SLC25A31: variants seen among roughly 807,000 people sequenced by gnomAD.
The protein encoded by SLC25A31 is ADP/ATP translocase 4.
SLC25A31 carries 40 observed loss-of-function variants against 36.2 expected under a neutral mutation model. That is an observed-to-expected ratio of 1.10 (90% CI 0.86 to 1.44). The LOEUF (loss-of-function observed/expected upper bound fraction) is 1.44. SLC25A31 is among the 40% of genes most tolerant of loss of function. The pLI is 0.00. For missense variants in SLC25A31, 350 were observed against 397.1 expected (o/e 0.88, Z 1.01); for synonymous variants, 143 against 149.7 (o/e 0.96, Z 0.32).
chr4:127,765,550 GCA>G (rs1732224712), intron 3 of SLC25A31, among the ~76,000 whole-genome samples: 1 of 152,134 alleles, frequency 6.6e-6, no homozygotes, highest in African/African-American at 2.4e-5. Flanking sequence ...CAGGGTGCCT[GCA>G]GATACAGGGC....
At chr4:127,766,368 A>G (rs956205459) in intron 3 of SLC25A31, among the ~76,000 whole-genome samples, 5 of 151,686 alleles carry the variant, frequency 3.3e-5, no homozygotes, top group African/African-American at 1.2e-4. Flanking sequence ...GGGTTTCACT[A>G]TCTTGCCCAG....
chr4:127,763,917 GA>G (rs572371215), intron 2 of SLC25A31, among the ~76,000 whole-genome samples: 63 of 148,040 alleles, frequency 4.3e-4, no homozygotes, highest in African/African-American at 1.1e-3. Context: ...AGCTATTAAG[GA>G]AAAAAAAAAG....
chr4:127,751,480 C>T (rs1731931071), intron 2 of SLC25A31, among the ~76,000 whole-genome samples: 1 of 152,142 alleles, frequency 6.6e-6, no homozygotes, highest in East Asian at 1.9e-4. Context: ...TAGAAGAAAA[C>T]CTAGGCAATA....
At chr4:127,758,653 T>G (rs1367554600) in intron 2 of SLC25A31, among the ~76,000 whole-genome samples, 5 of 152,240 alleles carry the variant, frequency 3.3e-5, no homozygotes, top group Non-Finnish European at 1.5e-5. Flanking sequence ...TTGTATATGG[T>G]GAAGGGTAGG....
intron 5 of SLC25A31, among the ~76,000 whole-genome samples, chr4:127,772,849 A>G (rs1292599869): frequency 1.0e-4 from 15 of 147,178 alleles, no homozygotes; most frequent in Admixed American, 9.7e-4. Context: ...TGGTGTGATC[A>G]TGGCTCACTG....
chr4:127,731,001 C>T (rs188274460), intron 1 of SLC25A31, among the ~76,000 whole-genome samples: 2 of 152,312 alleles, frequency 1.3e-5, no homozygotes, highest in East Asian at 3.9e-4. Flanking sequence ...CCGGGGAGAC[C>T]ACTGCCTTCT....
chr4:127,768,566 T>C (rs569029619), intron 4 of SLC25A31, among the ~76,000 whole-genome samples, 186 bp from the exon 5 acceptor site: 1 of 152,290 alleles, frequency 6.6e-6, no homozygotes, highest in Admixed American at 6.5e-5. Context: ...GAAATATACC[T>C]TTGAAATATA....
At chr4:127,744,291 A>G (rs554249363) in intron 1 of SLC25A31, among the ~76,000 whole-genome samples, 10 of 152,330 alleles carry the variant, frequency 6.6e-5, no homozygotes, top group African/African-American at 2.2e-4. Flanking sequence ...GATTTATTCT[A>G]TCATACTCAT....
chr4:127,772,707 T>C (rs1227648771), intron 5 of SLC25A31, among the ~76,000 whole-genome samples: 1 of 152,148 alleles, frequency 6.6e-6, no homozygotes, highest in Non-Finnish European at 1.5e-5. Context: ...TAAGAGGTTT[T>C]GTAATTATCA....
At chr4:127,733,143 C>T (rs1731561170) in intron 1 of SLC25A31, among the ~76,000 whole-genome samples, 1 of 152,148 alleles carries the variant, frequency 6.6e-6, no homozygotes, top group South Asian at 2.1e-4. Flanking sequence ...AGTAATGCAG[C>T]TACCATATAA....
At chr4:127,751,413 A>C (rs556763801) in intron 2 of SLC25A31, among the ~76,000 whole-genome samples, 1 of 152,322 alleles carries the variant, frequency 6.6e-6, no homozygotes, top group South Asian at 2.1e-4. Flanking sequence ...CCTTATACAA[A>C]AATTAATTCA....
At chr4:127,736,308 T>G (rs1731632492) in intron 1 of SLC25A31, among the ~76,000 whole-genome samples, 1 of 152,196 alleles carries the variant, frequency 6.6e-6, no homozygotes, top group East Asian at 1.9e-4. Context: ...TTCTTAAATT[T>G]TGAAGAAATT....
intron 1 of SLC25A31, among the ~76,000 whole-genome samples, chr4:127,731,804 GAAAA>G (rs60887431): frequency 1.5e-5 from 2 of 137,508 alleles, no homozygotes; most frequent in Non-Finnish European, 3.2e-5. Flanking sequence ...CTAAAAACAG[GAAAA>G]AAAAAAAACT....
rs1250183377 is a variant in SLC25A31, at chr4:127,735,888, A to ATTTTT, written c.232+5114_232+5115insTTTTT. On this transcript the variant is annotated intron_variant, in intron 1 of 5. Coordinates refer to ENST00000281154, the MANE Select transcript of SLC25A31 (RefSeq NM_031291.4). Reference sequence around the variant, plus strand: ...TTTTATTTTATTTATTTATTTATTTATTTATTTATTTTTTTTTTTGAGACG... The same window carrying ATTTTT: ...TTTTATTTTATTTATTTATTTATTTATTTTTTTTATTTATTTTTTTTTTTGAGACG... Among the ~76,000 whole-genome samples, 14 of 47,844 alleles carry ATTTTT rather than the reference A, an allele frequency of 2.9e-4. 2 individuals carry two copies. The highest frequency in any genetic ancestry group is 3.7e-4 in the Non-Finnish European group (9 of 24,034). The allele number at this position is 47,844 out of a possible 152,430, so 31.4% of individuals were successfully genotyped here. A position where few individuals can be genotyped will look rare whatever the true frequency, so the allele number is the denominator to read the frequency against.
intron 2 of SLC25A31, among the ~76,000 whole-genome samples, chr4:127,756,210 T>G (rs903032798): frequency 6.6e-6 from 1 of 152,138 alleles, no homozygotes; most frequent in Admixed American, 6.5e-5. Flanking sequence ...CATGAGCAGA[T>G]GAATGGATAA....
In SLC25A31 at chr4:127,773,602, G is replaced by A. The variant is rs1176984035; in HGVS notation, c.*28G>A. ...GGGAGAGTAAATTAAGAAATACATGGATTTAACTTGTTAAACATACAAATT... is the reference window on the plus strand; with the variant it reads ...GGGAGAGTAAATTAAGAAATACATGAATTTAACTTGTTAAACATACAAATT... On this transcript the variant is annotated 3_prime_UTR_variant, in exon 6 of 6. Transcript: ENST00000281154. The A allele has an allele frequency of 6.7e-7, 1 of 1,494,548 alleles. No individual in the cohort carries two copies. Among genetic ancestry groups the A allele is most frequent in the Non-Finnish European group, 9.0e-7 (1 of 1,116,768 alleles). The allele number at this position is 1,494,548 out of a possible 1,614,324, so 92.6% of individuals were successfully genotyped here. A position where few individuals can be genotyped will look rare whatever the true frequency, so the allele number is the denominator to read the frequency against.
chr4:127,772,808 G>T (rs1392835961), intron 5 of SLC25A31, among the ~76,000 whole-genome samples: 3 of 148,452 alleles, frequency 2.0e-5, no homozygotes, highest in African/African-American at 5.0e-5. Context: ...TTGAGACAGG[G>T]TCTTACCCTG....
intron 2 of SLC25A31, among the ~76,000 whole-genome samples, chr4:127,759,232 T>C (rs1195280330): frequency 6.6e-6 from 1 of 151,534 alleles, no homozygotes; most frequent in Non-Finnish European, 1.5e-5. Flanking sequence ...TTTTTGTGGC[T>C]ACTATAAATG....
chr4:127,730,781 C>T lies in SLC25A31; in HGVS notation c.232+4C>T, dbSNP rs1560628679. Reference sequence around the variant, plus strand: ...GTGCGGATTCCTCGCGAGCAGGGTGCGTCAAGGCAGGCCGCCCCGACAGCC... The same window carrying T: ...GTGCGGATTCCTCGCGAGCAGGGTGTGTCAAGGCAGGCCGCCCCGACAGCC... On this transcript the variant is annotated splice_donor_region_variant and intron_variant, in intron 1 of 5. Transcript: ENST00000281154. 6.2e-7 allele frequency: 1 copy of T among 1,602,456 alleles called. No homozygotes were observed. The highest frequency in any genetic ancestry group is 8.5e-7 in the Non-Finnish European group (1 of 1,171,596).
Sources: allele counts gnomAD v4.1 joint callset (sites outside exome capture counted in the v4.1 genomes callset), GRCh38; gene constraint gnomAD v4.1.1; transcripts MANE v1.5; gene names NCBI Gene and HGNC (gene_info 2026-07-23, HGNC 2026-07-21).